Variants in AFF3 observed in about 807,000 individuals in gnomAD.
The protein encoded by AFF3 is AF4/FMR2 family member 3.
A neutral mutation model predicts 129.7 loss-of-function variants in AFF3; 32 were observed. That is an observed-to-expected ratio of 0.25 (90% CI 0.19 to 0.33). The LOEUF (loss-of-function observed/expected upper bound fraction) is 0.33, where lower values mean the gene tolerates loss of function less well. Ranked by LOEUF, AFF3 falls within the 10% of genes least tolerant of loss-of-function variation. The pLI is 1.00. For synonymous variants in AFF3, 644 were observed against 635.4 expected, an observed-to-expected ratio of 1.01 and a Z score of -0.20; for missense variants, 1,373 against 1,592.0, an observed-to-expected ratio of 0.86 and a Z score of 2.34.
intron 12 of AFF3, among the ~76,000 whole-genome samples, chr2:99,659,378 C>A (rs959966454): frequency 6.6e-6 from 1 of 152,226 alleles, no homozygotes; most frequent in Non-Finnish European, 1.5e-5. Context: ...CCAACGCTGG[C>A]TGAGCTGCTA....
chr2:99,556,826 G>GT (rs1674970918), intron 22 of AFF3, among the ~76,000 whole-genome samples: 1 of 152,038 alleles, frequency 6.6e-6, no homozygotes, highest in Non-Finnish European at 1.5e-5. Context: ...GGAGGCTGAG[G>GT]TGGGAGGACT....
chr2:100,076,495 C>T (rs1688598310), intron 4 of AFF3, among the ~76,000 whole-genome samples: 1 of 152,178 alleles, frequency 6.6e-6, no homozygotes, highest in African/African-American at 2.4e-5. Flanking sequence ...AAACCTAATA[C>T]CTCACCAAGT....
intron 11 of AFF3, among the ~76,000 whole-genome samples, chr2:99,694,550 G>A (rs774215814): frequency 1.3e-5 from 2 of 152,068 alleles, no homozygotes; most frequent in Admixed American, 6.6e-5. Context: ...ATTGCTCTCC[G>A]TAAGTCCTTT....
intron 8 of AFF3, among the ~76,000 whole-genome samples, chr2:99,778,865 T>A: frequency 6.8e-6 from 1 of 146,644 alleles, no homozygotes; most frequent in African/African-American, 2.5e-5. Context: ...TTATTACCTA[T>A]AATTTTGTGT....
chr2:99,877,926 T>TA (rs891232486), intron 7 of AFF3, among the ~76,000 whole-genome samples: 4 of 152,076 alleles, frequency 2.6e-5, no homozygotes, highest in Admixed American at 2.6e-4. Flanking sequence ...CTGAAGGCAC[T>TA]AAAAAAATGC....
chr2:99,700,826 G>A (rs1408190463), intron 11 of AFF3, among the ~76,000 whole-genome samples: 1 of 152,218 alleles, frequency 6.6e-6, no homozygotes, highest in African/African-American at 2.4e-5. Context: ...AGGAAGCACA[G>A]AAGGAGGAAC....
chr2:99,990,022 G>C (rs1466342081), intron 7 of AFF3, among the ~76,000 whole-genome samples: 3 of 152,008 alleles, frequency 2.0e-5, no homozygotes, highest in Non-Finnish European at 2.9e-5. Context: ...TTCTTGTAAG[G>C]GTGGTCAAGA....
intron 11 of AFF3, among the ~76,000 whole-genome samples, chr2:99,678,789 G>C (rs1407956687): frequency 6.6e-6 from 1 of 152,170 alleles, no homozygotes; most frequent in Non-Finnish European, 1.5e-5. Context: ...CATTATGCAA[G>C]TGCATCTCTC....
chr2:100,047,994 G>A (rs1252977159), intron 4 of AFF3, among the ~76,000 whole-genome samples: 4 of 152,098 alleles, frequency 2.6e-5, no homozygotes, highest in Non-Finnish European at 4.4e-5. Flanking sequence ...TCCCACTCTC[G>A]ATATTTCATG....
At chr2:99,838,865 C>T (rs1689096232) in intron 7 of AFF3, among the ~76,000 whole-genome samples, 1 of 152,228 alleles carries the variant, frequency 6.6e-6, no homozygotes, top group African/African-American at 2.4e-5. Context: ...TCACACTCTC[C>T]ATGCCCTGTG....
At chr2:100,070,110 G>C (rs1184277716) in intron 4 of AFF3, among the ~76,000 whole-genome samples, 1 of 152,164 alleles carries the variant, frequency 6.6e-6, no homozygotes, top group Admixed American at 6.5e-5. Flanking sequence ...AAGGAAGAGG[G>C]AAGGTAATTG....
intron 7 of AFF3, among the ~76,000 whole-genome samples, chr2:99,954,688 T>C (rs552572475): frequency 3.5e-5 from 5 of 143,850 alleles, no homozygotes; most frequent in African/African-American, 1.3e-4. Flanking sequence ...CACCGCATAT[T>C]CTCACTCATA....
At chr2:99,576,656 G>A (rs186471229) in intron 18 of AFF3, among the ~76,000 whole-genome samples, 57 of 151,834 alleles carry the variant, frequency 3.8e-4, no homozygotes, top group Non-Finnish European at 4.9e-4. Context: ...TTTGTATTTT[G>A]TGTGTATATA....
chr2:100,125,851 C>T (rs900252915), intron 2 of AFF3, among the ~76,000 whole-genome samples: 12 of 151,938 alleles, frequency 7.9e-5, no homozygotes, highest in African/African-American at 2.7e-4. Flanking sequence ...ACAGGCTCCG[C>T]GTGAGCCTGG....
intron 11 of AFF3, chr2:99,707,598 T>C: frequency 1.0e-6 from 1 of 985,288 alleles, no homozygotes. Context: ...AATAAACAAG[T>C]TGTGGTATTT....
chr2:99,926,391 C>T (rs763893912), intron 7 of AFF3, among the ~76,000 whole-genome samples: 1 of 152,190 alleles, frequency 6.6e-6, no homozygotes, highest in Non-Finnish European at 1.5e-5. Flanking sequence ...TGGTTCTTTA[C>T]GCTTCTCATT....
In AFF3 at chr2:99,550,659, G is replaced by A; in HGVS notation, c.*815C>T. 1 of 232,854 alleles carries A rather than the reference G, an allele frequency of 4.3e-6. No individual in the cohort carries two copies. The highest frequency in any genetic ancestry group is 8.5e-6 in the Non-Finnish European group (1 of 117,850). 14.4% of individuals were successfully genotyped at this position (232,854 alleles called of 1,614,324 possible). ...GTGCAGAAAACTTCAACTCCTAACT[G>A]AGCTCCAACACACAGGCACTGCTAC... On this transcript the variant is annotated 3_prime_UTR_variant, in exon 25 of 25. Coordinates refer to ENST00000672756, the MANE Select transcript of AFF3 (RefSeq NM_001386135.1).
At chr2:99,646,096 G>T (rs1684664146) in intron 13 of AFF3, among the ~76,000 whole-genome samples, 1 of 152,172 alleles carries the variant, frequency 6.6e-6, no homozygotes, top group South Asian at 2.1e-4. Flanking sequence ...GCTTCCTACA[G>T]TGTAAACTCA....
At chr2:99,739,960 C>G in intron 10 of AFF3, among the ~76,000 whole-genome samples, 1 of 110,084 alleles carries the variant, frequency 9.1e-6, no homozygotes, top group Non-Finnish European at 1.8e-5. Context: ...TATCCCTCCC[C>G]CCTCCCCCCA....
Sources: allele counts gnomAD v4.1 joint callset (sites outside exome capture counted in the v4.1 genomes callset), GRCh38; gene constraint gnomAD v4.1.1; transcripts MANE v1.5; gene names NCBI Gene and HGNC (gene_info 2026-07-23, HGNC 2026-07-21).